The following SNTG2 variants were observed in gnomAD, a reference collection of about 807,000 sequenced individuals.
SNTG2 encodes syntrophin gamma 2, also known as gamma-2-syntrophin.
SNTG2 carries 74 observed loss-of-function variants against 70.9 expected under a neutral mutation model. The ratio of observed to expected loss-of-function variants is 1.04; its 90% CI spans 0.86 to 1.27. The LOEUF (loss-of-function observed/expected upper bound fraction) is 1.27, where lower values mean the gene tolerates loss of function less well. Ranked by LOEUF, SNTG2 falls within the 50% of genes most tolerant of loss-of-function variation. The pLI is 0.00. For missense variants in SNTG2, 717 were observed against 690.7 expected, an observed-to-expected ratio of 1.04 and a Z score of -0.43; for synonymous variants, 278 against 273.8, an observed-to-expected ratio of 1.02 and a Z score of -0.15.
At chr2:1,215,465 C>T (rs1674317098) in intron 9 of SNTG2, among the ~76,000 whole-genome samples, 1 of 151,956 alleles carries the variant, frequency 6.6e-6, no homozygotes, top group African/African-American at 2.4e-5. Context: ...TCTGTTTCCT[C>T]TTAATTCCAT....
chr2:1,112,011 G>T (rs36076819), intron 4 of SNTG2, among the ~76,000 whole-genome samples: 4 of 112,106 alleles, frequency 3.6e-5, no homozygotes, highest in African/African-American at 1.3e-4. Context: ...AACCCTTACA[G>T]TCCTTTGAGA....
intron 1 of SNTG2, among the ~76,000 whole-genome samples, chr2:1,078,275 C>T (rs1006717712): frequency 1.3e-5 from 2 of 152,268 alleles, no homozygotes; most frequent in East Asian, 1.9e-4. Context: ...TGTTGTCAAG[C>T]GGCACATGGG....
At chr2:1,193,194 G>A (rs1026238951) in intron 8 of SNTG2, among the ~76,000 whole-genome samples, 7 of 152,214 alleles carry the variant, frequency 4.6e-5, no homozygotes, top group African/African-American at 1.7e-4. Context: ...TTTCAAAGTT[G>A]CTCCTTAAAA....
chr2:1,055,419 C>T (rs1441359059), intron 1 of SNTG2, among the ~76,000 whole-genome samples: 1 of 152,142 alleles, frequency 6.6e-6, no homozygotes, highest in African/African-American at 2.4e-5. Flanking sequence ...ACTGGAGGCT[C>T]ACGACCTGCC....
chr2:1,287,847 G>C (rs1027449203), intron 14 of SNTG2, among the ~76,000 whole-genome samples: 1 of 152,154 alleles, frequency 6.6e-6, no homozygotes, highest in Admixed American at 6.5e-5. Context: ...ATGGTTTTGT[G>C]GTTGCATTAA....
intron 1 of SNTG2, among the ~76,000 whole-genome samples, chr2:1,003,478 A>C (rs750559308): frequency 6.6e-6 from 1 of 152,226 alleles, no homozygotes; most frequent in Non-Finnish European, 1.5e-5. Flanking sequence ...AGCATCAAAC[A>C]TATTAACCAA....
Position 1,364,170 on chromosome 2 carries a change from C to T in SNTG2, c.1489-3173C>T, listed in dbSNP as rs556257404. Among the ~76,000 whole-genome samples the T allele has an allele frequency of 1.6e-3, 247 of 149,834 alleles. 1 individual carries two copies. The highest frequency in any genetic ancestry group is 6.9e-3 in the Middle Eastern group (2 of 290). Reference sequence around the variant, plus strand: ...TATTTTTTTTTTTTTTTGGTAGGGACAGCATTTCACCATGTTGGCCAGGCT... The same window carrying T: ...TATTTTTTTTTTTTTTTGGTAGGGATAGCATTTCACCATGTTGGCCAGGCT... On this transcript the variant is annotated intron_variant, in intron 16 of 16. Coordinates refer to ENST00000308624, the MANE Select transcript of SNTG2 (RefSeq NM_018968.4).
intron 1 of SNTG2, among the ~76,000 whole-genome samples, chr2:1,057,842 C>T (rs184063983): frequency 2.0e-5 from 3 of 152,140 alleles, no homozygotes; most frequent in Admixed American, 1.3e-4. Context: ...AAAAATCTTC[C>T]AGCTGGACAA....
chr2:1,273,910 C>T (rs7584460), intron 14 of SNTG2, among the ~76,000 whole-genome samples: 46,484 of 151,918 alleles, frequency 0.31, 8,005 homozygotes, highest in African/African-American at 0.47. Flanking sequence ...ATATAACTGG[C>T]AAAGGACTTC....
At chr2:1,235,872 T>C (rs1676619230) in intron 9 of SNTG2, among the ~76,000 whole-genome samples, 1 of 152,230 alleles carries the variant, frequency 6.6e-6, no homozygotes, top group Non-Finnish European at 1.5e-5. Context: ...AAAGTCTGTT[T>C]TTGGTCTGAG....
At chr2:1,213,602 C>G (rs1315649592) in intron 9 of SNTG2, among the ~76,000 whole-genome samples, 2 of 152,194 alleles carry the variant, frequency 1.3e-5, no homozygotes, top group African/African-American at 2.4e-5. Flanking sequence ...GGCAACAGCC[C>G]TGGACAGGAT....
chr2:1,159,612 T>C (rs557160183), intron 6 of SNTG2, among the ~76,000 whole-genome samples: 16 of 152,344 alleles, frequency 1.1e-4, no homozygotes, highest in African/African-American at 2.4e-4. Context: ...TTTGTAGATA[T>C]GTTTATTAGA....
At chr2:1,211,567 A>G (rs1674044215) in intron 9 of SNTG2, among the ~76,000 whole-genome samples, 2 of 152,202 alleles carry the variant, frequency 1.3e-5, no homozygotes, top group African/African-American at 4.8e-5. Context: ...ACAGTTCTAC[A>G]TGACTGGGGA....
intron 8 of SNTG2, among the ~76,000 whole-genome samples, chr2:1,191,389 T>C (rs780147623): frequency 1.3e-5 from 2 of 152,170 alleles, no homozygotes; most frequent in African/African-American, 2.4e-5. Context: ...ATTGTGCTTA[T>C]CAAAAACGGG....
intron 16 of SNTG2, among the ~76,000 whole-genome samples, chr2:1,352,414 A>C (rs1487553439): frequency 6.6e-6 from 1 of 151,986 alleles, no homozygotes; most frequent in South Asian, 2.1e-4. Flanking sequence ...CCCTCTGCCC[A>C]TTGAGCTCCT....
chr2:1,245,668 T>A (rs73908948), intron 11 of SNTG2, among the ~76,000 whole-genome samples: 2,114 of 152,304 alleles, frequency 0.014, 50 homozygotes, highest in African/African-American at 0.048. Context: ...GCTAGTGTTA[T>A]AACCAACAAA....
At chr2:1,235,916 G>C (rs1676623483) in intron 9 of SNTG2, among the ~76,000 whole-genome samples, 1 of 152,204 alleles carries the variant, frequency 6.6e-6, no homozygotes. Context: ...ATACATGACT[G>C]TTTATCGAGG....
chr2:1,296,018 G>C (rs796610826), intron 14 of SNTG2, among the ~76,000 whole-genome samples: 1 of 150,550 alleles, frequency 6.6e-6, no homozygotes, highest in African/African-American at 2.5e-5. Context: ...ACCATCGATG[G>C]CTTTCACTGT....
At chr2:1,211,380 T>C (rs1674027733) in intron 9 of SNTG2, among the ~76,000 whole-genome samples, 1 of 152,216 alleles carries the variant, frequency 6.6e-6, no homozygotes, top group Admixed American at 6.5e-5. Context: ...CCATTGAATG[T>C]GATGAAGATT....
Sources: gnomAD v4.1 joint callset for allele counts (sites outside exome capture counted in the v4.1 genomes callset) on GRCh38, gnomAD v4.1.1 for gene constraint, MANE v1.5 for transcripts, NCBI Gene and HGNC (gene_info 2026-07-23, HGNC 2026-07-21) for gene names.